PLK4: variants seen among roughly 807,000 people sequenced by gnomAD.
PLK4 encodes the protein serine/threonine-protein kinase PLK4.
PLK4 carries 51 observed loss-of-function variants against 103.0 expected under a neutral mutation model. The ratio of observed to expected loss-of-function variants is 0.50; its 90% CI spans 0.40 to 0.63. The LOEUF is 0.63. PLK4 is among the 20% of genes least tolerant of loss of function. The pLI is 0.00. For synonymous variants in PLK4, 389 were observed against 376.8 expected (o/e 1.03, Z -0.38); for missense variants, 1,054 against 1,151.0 (o/e 0.92, Z 1.22).
At chr4:127,885,152 C>T (rs543895936) in intron 4 of PLK4, among the ~76,000 whole-genome samples, 9 of 151,974 alleles carry the variant, frequency 5.9e-5, no homozygotes, top group African/African-American at 2.2e-4. Flanking sequence ...TTGGAAATAA[C>T]GAAGATTAAA....
chr4:127,884,604 G>A (rs1735048307), intron 4 of PLK4, among the ~76,000 whole-genome samples: 1 of 152,184 alleles, frequency 6.6e-6, no homozygotes, highest in African/African-American at 2.4e-5. Flanking sequence ...AGGAGTTCGA[G>A]ACCAGCCTGG....
chr4:127,887,924 A>G lies in PLK4; in HGVS notation c.1459+428A>G, dbSNP rs532468569. Among the ~76,000 whole-genome samples the G allele has an allele frequency of 2.7e-5, 4 of 150,414 alleles. No individual in the cohort carries two copies. In the South Asian group the frequency reaches 8.4e-4, roughly 32 times the overall value. On this transcript the variant is annotated intron_variant, in intron 6 of 15. Transcript: ENST00000270861. ...GCCAGGCGTGGTGGCTCATGCCTGT[A>G]ATCCTAGTACTTTGGGAGGCCAAGC...
chr4:127,884,364 T>C (rs1578752256), intron 4 of PLK4, among the ~76,000 whole-genome samples: 2 of 152,246 alleles, frequency 1.3e-5, no homozygotes, highest in African/African-American at 2.4e-5. Context: ...TTCGGACATA[T>C]GTATTTAGAG....
At position 127,887,378 on chromosome 4, in the gene PLK4, T is replaced by G. The variant is rs199791103; in HGVS notation, c.1359-18T>G. ...AATTTTTTATTAGTTTATGGGATTT[T>G]TTTGTTTGTTTGTTTAGCTCCAATC... On this transcript the variant is annotated intron_variant, in intron 5 of 15. Coordinates refer to ENST00000270861, the MANE Select transcript of PLK4 (RefSeq NM_014264.5). 1.5e-3 allele frequency: 2,174 copies of G among 1,465,254 alleles called. 10 individuals carry two copies. The highest frequency in any genetic ancestry group is 2.6e-3 in the Middle Eastern group (15 of 5,710). 90.8% of individuals were successfully genotyped at this position (1,465,254 alleles called of 1,614,324 possible). A position where few individuals can be genotyped will look rare whatever the true frequency, so the allele number is the denominator to read the frequency against.
Position 127,894,995 on chromosome 4 carries a change from G to A in PLK4, c.2605G>A (p.Gly869Arg). Residue 869 changes from glycine (G) to arginine (R), a missense_variant, in exon 14 of 16, where the codon GGA becomes AGA. By Grantham distance (125) the Gly-to-Arg change is moderately radical (BLOSUM62 -2). Coordinates refer to ENST00000270861, the MANE Select transcript of PLK4 (RefSeq NM_014264.5). ...ACTTGGTCTTACAACTACAGCTTCT[G>A]GAACAGACATCTCTTCTAATAGTCT... ...EGLGLTTTAS[G>R]TDISSNSLKD... 6.2e-7 allele frequency: 1 copy of A among 1,605,388 alleles called. No individual in the cohort carries two copies. The highest frequency in any genetic ancestry group is 1.3e-5 in the African/African-American group (1 of 74,804).
chr4:127,896,343 A>C (rs1735564680), intron 14 of PLK4, among the ~76,000 whole-genome samples: 1 of 152,170 alleles, frequency 6.6e-6, no homozygotes, highest in African/African-American at 2.4e-5. Flanking sequence ...CTAAAGGAAG[A>C]AGTTTCAGAG....
Position 127,894,117 on chromosome 4 carries a change from A to G in PLK4, c.2562+236A>G, listed in dbSNP as rs561152086. Among the ~76,000 whole-genome samples the G allele has an allele frequency of 1.7e-4, 26 of 152,282 alleles. No homozygotes were observed. In the East Asian group the frequency reaches 1.9e-3, roughly 11 times the overall value. ...ACTTGACCTGGAACTCTTTTCCCCA[A>G]CCACTTAACTTTATATGTGTAAGTC... On this transcript the variant is annotated intron_variant, in intron 13 of 15. Transcript: ENST00000270861.
intron 13 of PLK4, among the ~76,000 whole-genome samples, chr4:127,894,317 C>T (rs893905981): frequency 1.3e-5 from 2 of 152,072 alleles, no homozygotes; most frequent in African/African-American, 4.8e-5. Context: ...AGCTCCACCT[C>T]CTGGGTTCAC....
chr4:127,896,556 T>C (rs2148825175), intron 14 of PLK4, among the ~76,000 whole-genome samples: 1 of 152,268 alleles, frequency 6.6e-6, no homozygotes, highest in South Asian at 2.1e-4. Flanking sequence ...ATTTTAATAT[T>C]GTAATACCTT....
intron 15 of PLK4, among the ~76,000 whole-genome samples, chr4:127,897,891 A>G (rs1400271242): frequency 9.0e-6 from 1 of 111,128 alleles, no homozygotes; most frequent in Non-Finnish European, 1.7e-5. Flanking sequence ...CCCAGGCTCG[A>G]GTTAGTGGTG....
At chr4:127,887,525 GA>G in intron 6 of PLK4, 29 bp downstream of exon 6, 2 of 1,223,800 alleles carry the variant, frequency 1.6e-6, no homozygotes, top group Non-Finnish European at 2.4e-6. Context: ...ATTTAATCAA[GA>G]ATTAATTACT....
Position 127,898,672 on chromosome 4 carries a change from A to G in PLK4, c.*131A>G. The G allele has an allele frequency of 1.7e-6, 1 of 594,810 alleles. No homozygotes were observed. The highest frequency in any genetic ancestry group is 2.3e-5 in the South Asian group (1 of 44,418). The allele number at this position is 594,810 out of a possible 1,614,324, so 36.8% of individuals were successfully genotyped here. ...ATGAAAGAATTTTAACCTATAATGT[A>G]AAGGATGTATTCTGAGAGAACAAAG... On this transcript the variant is annotated 3_prime_UTR_variant, in exon 16 of 16. Transcript: ENST00000270861.
At chr4:127,890,844 A>G (rs1298521261) in intron 7 of PLK4, among the ~76,000 whole-genome samples, 1 of 151,788 alleles carries the variant, frequency 6.6e-6, no homozygotes, top group Non-Finnish European at 1.5e-5. Context: ...TCTCCACTCT[A>G]CCTTCTGTTT....
At chr4:127,881,494 TCTCCGGCGGGAG>T in intron 1 of PLK4, 8 of 965,454 alleles carry the variant, frequency 8.3e-6, no homozygotes, top group South Asian at 1.8e-5. Flanking sequence ...ATGGCGGTTA[TCTCCGGCGGGAG>T]CTGCGGCGGG....
Position 127,889,945 on chromosome 4 carries a change from CA to C in PLK4, c.1540del (p.Thr514HisfsTer24). 6.2e-7 allele frequency: 1 copy of C among 1,613,892 alleles called. No individual in the cohort carries two copies. The highest frequency in any genetic ancestry group is 8.5e-7 in the Non-Finnish European group (1 of 1,179,844). ...FQGHPDLQKD[T>X]SKNAWTDTKV... ...AGGGCCATCCAGATTTGCAGAAGGA[CA>C]CATCAAAAAATGCCTGGACTGATAC... On this transcript the variant is annotated frameshift_variant, in exon 7 of 16. Coordinates refer to ENST00000270861, the MANE Select transcript of PLK4 (RefSeq NM_014264.5). LOFTEE classifies it high-confidence loss of function.
intron 9 of PLK4, 68 bp from the exon 10 acceptor site, chr4:127,892,297 A>G (rs1383484116): frequency 9.6e-7 from 1 of 1,041,044 alleles, no homozygotes; most frequent in South Asian, 1.5e-5. Flanking sequence ...AGAAATCACA[A>G]TAAATAGATA....
chr4:127,891,377 T>C (rs575867220), intron 8 of PLK4, among the ~76,000 whole-genome samples, 181 bp downstream of exon 8: 2 of 151,934 alleles, frequency 1.3e-5, no homozygotes, highest in African/African-American at 2.4e-5. Flanking sequence ...TGGTGCAGTG[T>C]TAAAAATAAT....
At chr4:127,897,009 G>T in intron 15 of PLK4, 102 bp downstream of exon 15, 1 of 634,076 alleles carries the variant, frequency 1.6e-6, no homozygotes. Flanking sequence ...CTTTCATTTT[G>T]ACAATGATCG....
At position 127,898,680 on chromosome 4, in the gene PLK4, T is replaced by C. The variant is rs1735669162; in HGVS notation, c.*139T>C. 5 of 565,774 alleles carry C rather than the reference T, an allele frequency of 8.8e-6. No homozygotes were observed. The highest frequency in any genetic ancestry group is 1.2e-5 in the Non-Finnish European group (4 of 321,286). 35.0% of individuals were successfully genotyped at this position (565,774 alleles called of 1,614,324 possible). A position where few individuals can be genotyped will look rare whatever the true frequency, so the allele number is the denominator to read the frequency against. Reference sequence around the variant, plus strand: ...ATTTTAACCTATAATGTAAAGGATGTATTCTGAGAGAACAAAGCAGAATGA... The same window carrying C: ...ATTTTAACCTATAATGTAAAGGATGCATTCTGAGAGAACAAAGCAGAATGA... On this transcript the variant is annotated 3_prime_UTR_variant, in exon 16 of 16. Transcript: ENST00000270861.
Sources: allele counts gnomAD v4.1 joint callset (sites outside exome capture counted in the v4.1 genomes callset), GRCh38; gene constraint gnomAD v4.1.1; transcripts MANE v1.5; gene names NCBI Gene and HGNC (gene_info 2026-07-23, HGNC 2026-07-21).